The following UBR3 variants were observed in gnomAD, a reference collection of about 807,000 sequenced individuals.
UBR3 encodes ubiquitin protein ligase E3 component n-recognin 3.
Under a neutral mutation model 243.2 loss-of-function variants are expected in UBR3, and 85 were observed. The observed-to-expected ratio is 0.35, with a 90% CI of 0.29 to 0.42. The LOEUF (loss-of-function observed/expected upper bound fraction) is 0.42, where lower values mean the gene tolerates loss of function less well. Ranked by LOEUF, UBR3 falls within the 10% of genes least tolerant of loss-of-function variation. The pLI is 1.00. For synonymous variants in UBR3, 748 were observed against 799.8 expected (o/e 0.94, Z 1.09); for missense variants, 1,686 against 2,300.8 (o/e 0.73, Z 5.47).
intron 35 of UBR3, among the ~76,000 whole-genome samples, chr2:170,067,806 G>A (rs1231792671): frequency 7.2e-6 from 1 of 139,216 alleles, no homozygotes; most frequent in Non-Finnish European, 1.5e-5. Context: ...GTTTCCCTCT[G>A]TTGCCCAGGC....
At chr2:169,994,583 T>G in intron 26 of UBR3, 127 bp downstream of exon 26, 1 of 1,012,388 alleles carries the variant, frequency 9.9e-7, no homozygotes, top group Non-Finnish European at 1.4e-6. Flanking sequence ...AGAAAAAAAT[T>G]AATATGTGGA....
intron 1 of UBR3, among the ~76,000 whole-genome samples, chr2:169,843,047 T>C (rs952431175): frequency 1.3e-5 from 2 of 152,250 alleles, no homozygotes; most frequent in Admixed American, 6.5e-5. Flanking sequence ...GCTTCTTTTA[T>C]GGCAATCTAA....
chr2:169,906,605 G>T (rs187057697), intron 10 of UBR3, among the ~76,000 whole-genome samples: 1 of 151,838 alleles, frequency 6.6e-6, no homozygotes, highest in African/African-American at 2.4e-5. Flanking sequence ...GAAACCTTGG[G>T]CAGTCCAGAC....
In UBR3 at chr2:170,079,756, T is replaced by A; in HGVS notation, c.5200-58T>A. ...TCTGTAAAAATACATTTAAAAAATA[T>A]ATTGTGTTAGTGACTTAAATACATA... is the stretch of plus-strand genomic sequence containing the variant. On this transcript the variant is annotated intron_variant, in intron 36 of 38. Transcript: ENST00000272793. 2.1e-6 allele frequency: 3 copies of A among 1,429,110 alleles called. No homozygotes were observed. The South Asian group carries it at 4.1e-5, about 20-fold the overall frequency. The allele number at this position is 1,429,110 out of a possible 1,614,324, so 88.5% of individuals were successfully genotyped here.
intron 33 of UBR3, among the ~76,000 whole-genome samples, chr2:170,059,634 G>A (rs577120556): frequency 2.9e-4 from 44 of 152,168 alleles, no homozygotes; most frequent in Non-Finnish European, 4.1e-4. Context: ...TATTTAACAC[G>A]TAATCATACT....
chr2:169,874,813 G>T (rs889627822), intron 2 of UBR3, among the ~76,000 whole-genome samples: 2 of 151,982 alleles, frequency 1.3e-5, no homozygotes, highest in African/African-American at 4.8e-5. Flanking sequence ...CCCTTTCCTG[G>T]GCACACAGGT....
At chr2:169,938,999 G>T (rs1054414289) in intron 19 of UBR3, among the ~76,000 whole-genome samples, 15 of 151,118 alleles carry the variant, frequency 9.9e-5, no homozygotes, top group Non-Finnish European at 1.9e-4. Flanking sequence ...GCTTGCTTAG[G>T]TTATTTCTTG....
intron 32 of UBR3, among the ~76,000 whole-genome samples, chr2:170,050,991 C>T (rs2091203194): frequency 6.6e-6 from 1 of 152,166 alleles, no homozygotes; most frequent in South Asian, 2.1e-4. Context: ...ATAACCTACA[C>T]ATATCTTCTC....
Position 170,040,866 on chromosome 2 carries a change from T to C in UBR3, c.4557-16T>C, listed in dbSNP as rs1248106796. 9 of 1,590,306 alleles carry C rather than the reference T, an allele frequency of 5.7e-6. No homozygotes were observed. Among genetic ancestry groups the C allele is most frequent in the Non-Finnish European group, 7.8e-6 (9 of 1,159,312 alleles). ...GATATACAATACTATGTAAAGTGAC[T>C]ACATTTTTCTTTTAGGCTGGGATAT... On this transcript the variant is annotated splice_polypyrimidine_tract_variant and intron_variant, in intron 31 of 38. Coordinates refer to ENST00000272793, the MANE Select transcript of UBR3 (RefSeq NM_172070.4).
intron 1 of UBR3, among the ~76,000 whole-genome samples, chr2:169,857,515 C>A (rs1361907129): frequency 6.6e-6 from 1 of 151,614 alleles, no homozygotes; most frequent in Non-Finnish European, 1.5e-5. Context: ...CTCCCAAGTT[C>A]AAGCGTTCCT....
intron 32 of UBR3, among the ~76,000 whole-genome samples, chr2:170,053,389 C>T (rs946994698): frequency 6.6e-6 from 1 of 152,182 alleles, no homozygotes; most frequent in Non-Finnish European, 1.5e-5. Flanking sequence ...TCCTACGTGC[C>T]ATCACAGCTG....
chr2:169,890,135 CTG>C (rs1445204612), intron 5 of UBR3, among the ~76,000 whole-genome samples: 8 of 152,114 alleles, frequency 5.3e-5, no homozygotes, highest in Non-Finnish European at 1.0e-4. Context: ...GGAAAAAACT[CTG>C]AGTTCTGCTG....
intron 18 of UBR3, among the ~76,000 whole-genome samples, chr2:169,929,577 C>CA (rs971642462): frequency 2.4e-4 from 35 of 143,112 alleles, no homozygotes; most frequent in South Asian, 4.4e-4. Flanking sequence ...AACTCCATCT[C>CA]AAAAAAAAAA....
chr2:170,039,275 A>AAGAT (rs1426314271), intron 31 of UBR3, among the ~76,000 whole-genome samples: 1 of 152,172 alleles, frequency 6.6e-6, no homozygotes, highest in Non-Finnish European at 1.5e-5. Flanking sequence ...AAGGGTCTGT[A>AAGAT]AGATAAGGAT....
At chr2:170,058,296 T>C (rs947473400) in intron 33 of UBR3, among the ~76,000 whole-genome samples, 1 of 152,206 alleles carries the variant, frequency 6.6e-6, no homozygotes, top group Non-Finnish European at 1.5e-5. Flanking sequence ...AGATCTCATC[T>C]GGCCTATGGT....
chr2:169,986,583 A>G (rs771371118), intron 24 of UBR3, 62 bp from the exon 25 acceptor site: 15 of 1,503,318 alleles, frequency 1.0e-5, no homozygotes, highest in African/African-American at 4.2e-5. Flanking sequence ...TTTCTCTCAC[A>G]CTTTCATTGA....
chr2:169,859,638 G>GT (rs1262147486), intron 1 of UBR3, among the ~76,000 whole-genome samples: 2 of 151,704 alleles, frequency 1.3e-5, no homozygotes, highest in Non-Finnish European at 2.9e-5. Flanking sequence ...TCACTGATCT[G>GT]TTTTTTCTAG....
At chr2:169,900,350 T>G (rs2084770230) in intron 8 of UBR3, among the ~76,000 whole-genome samples, 1 of 152,226 alleles carries the variant, frequency 6.6e-6, no homozygotes, top group Non-Finnish European at 1.5e-5. Context: ...ATTGTTTTTT[T>G]CTTGTAAATT....
chr2:169,930,911 T>TA (rs2086097446), intron 18 of UBR3, among the ~76,000 whole-genome samples: 1 of 152,186 alleles, frequency 6.6e-6, no homozygotes, highest in African/African-American at 2.4e-5. Flanking sequence ...GCCCCTGTTA[T>TA]ACATCTGTGG....
Sources: allele counts gnomAD v4.1 joint callset (sites outside exome capture counted in the v4.1 genomes callset), GRCh38; gene constraint gnomAD v4.1.1; transcripts MANE v1.5; gene names NCBI Gene and HGNC (gene_info 2026-07-23, HGNC 2026-07-21).